Variants in MTG2 observed in about 807,000 individuals in gnomAD.
MTG2 encodes the protein mitochondrial ribosome associated GTPase 2, also known as mitochondrial ribosome-associated GTPase 2.
A neutral mutation model predicts 28.6 loss-of-function variants in MTG2; 23 were observed. The observed-to-expected ratio is 0.80, with a 90% CI of 0.58 to 1.14. The LOEUF is 1.14. Among genes scored for constraint, MTG2 ranks in the 50% most tolerant of loss-of-function variants. The probability of loss-of-function intolerance (pLI) is 0.00; values close to 1 mark genes in which losing one functional copy is unlikely to be tolerated. For synonymous variants in MTG2, 260 were observed against 251.8 expected (o/e 1.03, Z -0.31); for missense variants, 539 against 552.0 (o/e 0.98, Z 0.24).
At chr20:62,184,382 T>A (rs1374384942) in intron 1 of MTG2, among the ~76,000 whole-genome samples, 3 of 149,724 alleles carry the variant, frequency 2.0e-5, no homozygotes, top group African/African-American at 4.9e-5. Context: ...AAAAAAAAAA[T>A]CAGGTTTCAT....
chr20:62,186,419 T>C (rs1036215699), intron 1 of MTG2, among the ~76,000 whole-genome samples: 1 of 152,202 alleles, frequency 6.6e-6, no homozygotes, highest in Admixed American at 6.5e-5. Flanking sequence ...TTTCTTAATT[T>C]TAATTTACAG....
chr20:62,189,782 A>G (rs1396649847), intron 1 of MTG2, among the ~76,000 whole-genome samples: 1 of 147,946 alleles, frequency 6.8e-6, no homozygotes, highest in East Asian at 2.0e-4. Flanking sequence ...CTCCTGCCTC[A>G]GCCTCCTGAG....
intron 1 of MTG2, among the ~76,000 whole-genome samples, chr20:62,192,849 C>T (rs902965138): frequency 7.9e-5 from 12 of 152,216 alleles, no homozygotes; most frequent in East Asian, 1.9e-4. Flanking sequence ...CAGCCAGGGC[C>T]GCGGTTGTGC....
At chr20:62,199,076 G>C (rs755310440) in intron 5 of MTG2, 43 bp from the exon 6 acceptor site, 29 of 1,610,778 alleles carry the variant, frequency 1.8e-5, no homozygotes, top group Non-Finnish European at 2.5e-5. Flanking sequence ...GCTAACAAAG[G>C]TGCTGCCGCG....
At position 62,201,033 on chromosome 20, in the gene MTG2, G is replaced by A. The variant is rs549879158; in HGVS notation, c.1177G>A (p.Ala393Thr). 9.5e-5 allele frequency: 153 copies of A among 1,608,532 alleles called. No individual in the cohort carries two copies. The Admixed American group carries it at 1.3e-3, about 14-fold the overall frequency. ...CCTGAAGGTGCTGTATGACGCCTACGCGGAGGCCGAGCTGGGCCAGGGCCG... is the reference window on the plus strand; with the variant it reads ...CCTGAAGGTGCTGTATGACGCCTACACGGAGGCCGAGCTGGGCCAGGGCCG... ...LHLKVLYDAYAEAELGQGRQP... is the reference protein window; with the variant it reads ...LHLKVLYDAYTEAELGQGRQP... Residue 393 changes from alanine (A) to threonine (T), a missense_variant, in exon 7 of 7, where the codon GCG (alanine) becomes ACG (threonine). Physicochemically the swap from Ala to Thr is moderately conservative, Grantham distance 58 (BLOSUM62 0). Coordinates refer to ENST00000370823, the MANE Select transcript of MTG2 (RefSeq NM_015666.4).
chr20:62,191,610 G>A (rs370497663), intron 1 of MTG2, among the ~76,000 whole-genome samples: 1 of 152,188 alleles, frequency 6.6e-6, no homozygotes, highest in Non-Finnish European at 1.5e-5. Context: ...AGGCGTCCGA[G>A]GCACTGCGAG....
chr20:62,198,441 C>T (rs970632157), intron 4 of MTG2, among the ~76,000 whole-genome samples, 193 bp from the exon 5 acceptor site: 4 of 152,236 alleles, frequency 2.6e-5, no homozygotes, highest in Admixed American at 6.5e-5. Context: ...TACGCAGCCC[C>T]GTGAAAGCCC....
In MTG2 at chr20:62,201,049, G is replaced by A; in HGVS notation, c.1193G>A (p.Gly398Asp). The stretch of plus-strand genomic sequence containing the variant: ...GACGCCTACGCGGAGGCCGAGCTGG[G>A]CCAGGGCCGCCAGCCGCTCAGGTGG... ...LYDAYAEAELGQGRQPLRW is the reference protein window; with the variant it reads ...LYDAYAEAELDQGRQPLRW The change falls in exon 7 of 7, where the codon GGC (glycine) becomes GAC (aspartate). Residue 398 changes from glycine (G) to aspartate (D), a missense_variant. Coordinates refer to ENST00000370823, the MANE Select transcript of MTG2 (RefSeq NM_015666.4). 3 of 1,596,294 alleles carry A rather than the reference G, an allele frequency of 1.9e-6. No individual in the cohort carries two copies. Among genetic ancestry groups the A allele is most frequent in the Non-Finnish European group, 2.6e-6 (3 of 1,173,518 alleles).
At chr20:62,185,854 A>T (rs1413003962) in intron 1 of MTG2, among the ~76,000 whole-genome samples, 1 of 152,202 alleles carries the variant, frequency 6.6e-6, no homozygotes, top group Non-Finnish European at 1.5e-5. Flanking sequence ...TAAAGACACC[A>T]AAGAGCAGCG....
intron 1 of MTG2, among the ~76,000 whole-genome samples, chr20:62,192,332 AC>A (rs1158047529): frequency 6.6e-6 from 1 of 152,258 alleles, no homozygotes; most frequent in Non-Finnish European, 1.5e-5. Flanking sequence ...AAAGGATGCC[AC>A]AGCGGGCACA....
intron 5 of MTG2, 82 bp from the exon 6 acceptor site, chr20:62,199,037 C>T (rs2058112113): frequency 6.3e-6 from 10 of 1,593,692 alleles, no homozygotes; most frequent in Non-Finnish European, 8.6e-7. Context: ...GAAATCCTCC[C>T]TCCAATCCCA....
intron 3 of MTG2, 113 bp from the exon 4 acceptor site, chr20:62,197,739 C>A (rs1601099556): frequency 2.6e-6 from 2 of 760,272 alleles, no homozygotes; most frequent in Admixed American, 2.3e-5. Context: ...GCTGCACCCT[C>A]ACTCCATGCT....
intron 1 of MTG2, among the ~76,000 whole-genome samples, chr20:62,187,943 T>G (rs2057880022): frequency 1.3e-5 from 2 of 152,132 alleles, no homozygotes; most frequent in Non-Finnish European, 2.9e-5. Flanking sequence ...GAGCTGTAAG[T>G]TTCCTTCTAA....
chr20:62,194,029 C>G (rs6089680), intron 2 of MTG2: 35,116 of 152,582 alleles, frequency 0.23, 4,247 homozygotes, highest in South Asian at 0.39. Context: ...CACTTGAGGT[C>G]AGGAGTTCGA....
chr20:62,194,105 TAATA>T (rs1048241020), intron 2 of MTG2: 3 of 151,438 alleles, frequency 2.0e-5, no homozygotes, highest in African/African-American at 4.9e-5. Flanking sequence ...CTTTTTAAAT[TAATA>T]AATAAATAAA....
intron 2 of MTG2, among the ~76,000 whole-genome samples, chr20:62,194,392 C>T (rs985389386): frequency 6.6e-6 from 1 of 152,212 alleles, no homozygotes; most frequent in Non-Finnish European, 1.5e-5. Context: ...TTGTCTCCTC[C>T]CCAGGAGAGA....
chr20:62,193,437 G>T lies in MTG2; in HGVS notation c.17G>T (p.Cys6Phe). 1.2e-6 allele frequency: 2 copies of T among 1,614,212 alleles called. No individual in the cohort carries two copies. The highest frequency in any genetic ancestry group is 1.7e-6 in the Non-Finnish European group (2 of 1,180,028). MAPAR[C>F]FSARLRTVFQ... ...GTAGGGGCCATGGCACCTGCAAGGT[G>T]TTTCTCAGCAAGATTGAGGACCGTG... Residue 6 changes from cysteine (C) to phenylalanine (F), a missense_variant, in exon 2 of 7, where the codon TGT becomes TTT. By Grantham distance (205) the Cys-to-Phe change is radical. Transcript: ENST00000370823.
At chr20:62,190,878 G>T (rs1235347715) in intron 1 of MTG2, among the ~76,000 whole-genome samples, 1 of 152,210 alleles carries the variant, frequency 6.6e-6, no homozygotes, top group Non-Finnish European at 1.5e-5. Flanking sequence ...TACAGGAAGG[G>T]TATCAAGGGG....
At chr20:62,183,547 C>G (rs762166431) in intron 1 of MTG2, among the ~76,000 whole-genome samples, 5 of 152,224 alleles carry the variant, frequency 3.3e-5, no homozygotes, top group Admixed American at 2.0e-4. Context: ...GTAAACGCGC[C>G]TCAGGGAGAC....
Sources: allele counts gnomAD v4.1 joint callset (sites outside exome capture counted in the v4.1 genomes callset), GRCh38; gene constraint gnomAD v4.1.1; transcripts MANE v1.5; gene names NCBI Gene and HGNC (gene_info 2026-07-23, HGNC 2026-07-21).